ATP9B: variants seen among roughly 807,000 people sequenced by gnomAD.
The protein encoded by ATP9B is ATPase phospholipid transporting 9B.
A neutral mutation model predicts 146.1 loss-of-function variants in ATP9B; 110 were observed. The observed-to-expected ratio is 0.75, with a 90% CI of 0.65 to 0.88. The LOEUF (loss-of-function observed/expected upper bound fraction) is 0.88, where lower values mean the gene tolerates loss of function less well. Ranked by LOEUF, ATP9B falls within the 40% of genes least tolerant of loss-of-function variation. The probability of loss-of-function intolerance (pLI) is 0.00; values close to 1 mark genes in which losing one functional copy is unlikely to be tolerated. For synonymous variants in ATP9B, 604 were observed against 569.7 expected (o/e 1.06, Z -0.86); for missense variants, 1,499 against 1,496.4 (o/e 1.00, Z -0.03).
chr18:79,192,135 ACT>A (rs1406644431), intron 8 of ATP9B, among the ~76,000 whole-genome samples: 1 of 151,076 alleles, frequency 6.6e-6, no homozygotes, highest in African/African-American at 2.4e-5. Flanking sequence ...CTTCTGAGGC[ACT>A]CTCCTTTCTG....
chr18:79,344,466 A>ATGTC lies in ATP9B; in HGVS notation c.2472+132_2472+135dup, dbSNP rs368352912. 2.7e-3 allele frequency: 2,444 copies of ATGTC among 921,268 alleles called. 10 individuals are homozygous for ATGTC. The highest frequency in any genetic ancestry group is 5.5e-3 in the South Asian group (400 of 72,108). The allele number at this position is 921,268 out of a possible 1,614,324, so 57.1% of individuals were successfully genotyped here. A position where few individuals can be genotyped will look rare whatever the true frequency, so the allele number is the denominator to read the frequency against. The stretch of plus-strand genomic sequence containing the variant: ...GCAAGGCTGGACCCTGAGTGAGTAC[A>ATGTC]TGTCTGTCTGTCTGTCTGTCTGTGT... On this transcript the variant is annotated intron_variant, in intron 21 of 29. Coordinates refer to ENST00000426216, the MANE Select transcript of ATP9B (RefSeq NM_198531.5).
At chr18:79,148,757 C>G (rs1053232624) in intron 6 of ATP9B, among the ~76,000 whole-genome samples, 2 of 152,164 alleles carry the variant, frequency 1.3e-5, no homozygotes, top group African/African-American at 4.8e-5. Flanking sequence ...AAAAATGTCT[C>G]AATTTGCAGA....
chr18:79,226,441 A>G (rs1255376980), intron 11 of ATP9B, among the ~76,000 whole-genome samples: 1 of 152,240 alleles, frequency 6.6e-6, no homozygotes, highest in East Asian at 1.9e-4. Flanking sequence ...ATGTGCAGGT[A>G]GATGTCGCCT....
intron 8 of ATP9B, among the ~76,000 whole-genome samples, chr18:79,191,855 G>A (rs1044405409): frequency 6.6e-6 from 1 of 152,108 alleles, no homozygotes; most frequent in Non-Finnish European, 1.5e-5. Context: ...TTCTTCATAT[G>A]TTTAGAAATT....
At position 79,126,018 on chromosome 18, in the gene ATP9B, G is replaced by C. The variant is rs116544868; in HGVS notation, c.559-249G>C. Reference sequence around the variant, plus strand: ...TTCTTTGGGTTACTAGGTATTTTCTGACACTTAGCTTGAAGTATCTATTAG... The same window carrying C: ...TTCTTTGGGTTACTAGGTATTTTCTCACACTTAGCTTGAAGTATCTATTAG... On this transcript the variant is annotated intron_variant, in intron 4 of 29. Transcript: ENST00000426216. 3.8e-3 allele frequency among the ~76,000 whole-genome samples: 573 copies of C among 152,264 alleles called. 3 individuals carry two copies. The highest frequency in any genetic ancestry group is 0.024 in the South Asian group (117 of 4,828).
At chr18:79,162,486 T>G (rs1216586316) in intron 7 of ATP9B, among the ~76,000 whole-genome samples, 1 of 152,236 alleles carries the variant, frequency 6.6e-6, no homozygotes, top group East Asian at 1.9e-4. Context: ...CAATCTCTTA[T>G]AAATGTCAAT....
chr18:79,301,434 G>A (rs2146426123), intron 13 of ATP9B, among the ~76,000 whole-genome samples: 1 of 152,350 alleles, frequency 6.6e-6, no homozygotes, highest in Non-Finnish European at 1.5e-5. Flanking sequence ...AGAGGTTGCA[G>A]TGAGCCAAGA....
chr18:79,253,278 A>T, intron 11 of ATP9B, 103 bp from the exon 12 acceptor site: 3 of 1,119,400 alleles, frequency 2.7e-6, no homozygotes, highest in Non-Finnish European at 3.8e-6. Flanking sequence ...ATACCAATAA[A>T]TTTTAAAGTT....
intron 15 of ATP9B, among the ~76,000 whole-genome samples, chr18:79,326,836 G>A (rs377222744): frequency 2.2e-4 from 33 of 152,172 alleles, no homozygotes; most frequent in East Asian, 3.9e-4. Flanking sequence ...TGAGGGTAGA[G>A]CCCTGGCATC....
intron 7 of ATP9B, among the ~76,000 whole-genome samples, chr18:79,157,013 T>G (rs1390974410): frequency 6.6e-6 from 1 of 152,138 alleles, no homozygotes; most frequent in Non-Finnish European, 1.5e-5. Flanking sequence ...TTCTGTGTGT[T>G]GCTGGGTTTG....
intron 12 of ATP9B, among the ~76,000 whole-genome samples, chr18:79,258,947 G>T (rs1477487783): frequency 1.3e-5 from 2 of 152,198 alleles, no homozygotes. Context: ...CGTAAAATAT[G>T]AATAATGATA....
intron 19 of ATP9B, among the ~76,000 whole-genome samples, chr18:79,339,684 CGCAGTAGGAAGTGTATCATGATT>C (rs1414658462): frequency 6.7e-5 from 10 of 150,042 alleles, no homozygotes; most frequent in African/African-American, 2.5e-4. Flanking sequence ...GTGTCATGAT[CGCAGTAGGAAGTGTATCATGATT>C]GCAGTAGGAA....
chr18:79,085,019 A>AT (rs61530718), intron 1 of ATP9B: 1 of 141,572 alleles, frequency 7.1e-6, no homozygotes, highest in Middle Eastern at 3.4e-3. Context: ...AAAAAAAAAA[A>AT]GGTTTAATTG....
At chr18:79,295,295 A>G (rs2096540000) in intron 13 of ATP9B, among the ~76,000 whole-genome samples, 1 of 152,260 alleles carries the variant, frequency 6.6e-6, no homozygotes, top group African/African-American at 2.4e-5. Context: ...ACATTGGTCT[A>G]GCAAAGTGAA....
At chr18:79,100,595 A>G (rs551353789) in intron 2 of ATP9B, among the ~76,000 whole-genome samples, 2 of 152,162 alleles carry the variant, frequency 1.3e-5, no homozygotes, top group Non-Finnish European at 2.9e-5. Context: ...TTTTAAAAAA[A>G]TTTTTAAAAA....
chr18:79,240,047 C>T (rs986154008), intron 11 of ATP9B, among the ~76,000 whole-genome samples: 4 of 152,196 alleles, frequency 2.6e-5, no homozygotes, highest in Non-Finnish European at 2.9e-5. Context: ...GTGTTCTCAG[C>T]GCAGCCCACT....
intron 19 of ATP9B, 76 bp downstream of exon 19, chr18:79,337,525 T>G: frequency 1.3e-6 from 2 of 1,538,724 alleles, no homozygotes; most frequent in Non-Finnish European, 1.7e-6. Flanking sequence ...GCATGGTGAT[T>G]TGTGAAACTC....
chr18:79,106,605 C>A (rs1013404145), intron 2 of ATP9B, among the ~76,000 whole-genome samples: 2 of 152,258 alleles, frequency 1.3e-5, no homozygotes, highest in Non-Finnish European at 2.9e-5. Flanking sequence ...GCGTCTTAAC[C>A]ACTACTTTAT....
chr18:79,296,848 A>G (rs977537471), intron 13 of ATP9B, among the ~76,000 whole-genome samples: 1 of 152,216 alleles, frequency 6.6e-6, no homozygotes, highest in Non-Finnish European at 1.5e-5. Flanking sequence ...GGGGAGATGC[A>G]CGCTCAGCAG....
Sources: allele counts gnomAD v4.1 joint callset (sites outside exome capture counted in the v4.1 genomes callset), GRCh38; gene constraint gnomAD v4.1.1; transcripts MANE v1.5; gene names NCBI Gene and HGNC (gene_info 2026-07-23, HGNC 2026-07-21).